The following SYNE2 variants were observed in gnomAD, a reference collection of about 807,000 sequenced individuals.
SYNE2 encodes the protein spectrin repeat containing nuclear envelope protein 2.
SYNE2 carries 431 observed loss-of-function variants against 856.3 expected under a neutral mutation model. That is an observed-to-expected ratio of 0.50 (90% CI 0.47 to 0.55). The LOEUF is 0.55. SYNE2 is among the 20% of genes least tolerant of loss of function. SYNE2 has a pLI of 0.00. For missense variants in SYNE2, 8,129 were observed against 8,023.2 expected (o/e 1.01, Z -0.50); for synonymous variants, 2,923 against 2,872.3 (o/e 1.02, Z -0.56).
chr14:63,967,560 A>G, intron 10 of SYNE2, 149 bp from the exon 11 acceptor site: 1 of 724,304 alleles, frequency 1.4e-6, no homozygotes, highest in African/African-American at 1.8e-5. Context: ...GAAGGAAACC[A>G]GAGCAGAGAG....
chr14:64,010,661 T>G (rs1215269651), intron 32 of SYNE2, among the ~76,000 whole-genome samples: 2 of 152,174 alleles, frequency 1.3e-5, no homozygotes, highest in Non-Finnish European at 2.9e-5. Flanking sequence ...AAGAATGGAA[T>G]AGTTAGAAAA....
At chr14:64,215,584 G>C (rs1410340433) in intron 107 of SYNE2, 5 of 603,134 alleles carry the variant, frequency 8.3e-6, no homozygotes, top group Non-Finnish European at 1.5e-5. Flanking sequence ...CCTCCCTTCA[G>C]GCCTGTGCAG....
chr14:63,986,096 A>G (rs776427663), intron 18 of SYNE2, among the ~76,000 whole-genome samples: 4 of 152,252 alleles, frequency 2.6e-5, no homozygotes, highest in Middle Eastern at 6.8e-3. Flanking sequence ...AAGTGGTGTA[A>G]CTTTTTTATC....
chr14:63,850,344 G>A (rs538899001), upstream of SYNE2, among the ~76,000 whole-genome samples: 4 of 146,952 alleles, frequency 2.7e-5, no homozygotes, highest in Admixed American at 1.4e-4. Flanking sequence ...TGCCTCAGCC[G>A]CCCAAAGTGC....
chr14:64,069,147 A>G (rs2097382233), intron 51 of SYNE2, among the ~76,000 whole-genome samples: 1 of 152,214 alleles, frequency 6.6e-6, no homozygotes, highest in Non-Finnish European at 1.5e-5. Flanking sequence ...GTAAGCACCA[A>G]GAGGTGCCCC....
chr14:63,986,551 G>A lies in SYNE2; in HGVS notation c.2247G>A (p.Trp749Ter). 1 of 1,614,112 alleles carries A rather than the reference G, an allele frequency of 6.2e-7. No individual in the cohort carries two copies. Among genetic ancestry groups the A allele is most frequent in the Non-Finnish European group, 8.5e-7 (1 of 1,180,010 alleles). The stretch of plus-strand genomic sequence containing the variant: ...AACTCATTGGACAAGTGGAAATCTG[G>A]GAGGCAGAAGCCAAATCTGTTTTGG... ...VEKLIGQVEI[W>*]EAEAKSVLDQ... Residue 749 changes from tryptophan to a stop codon, truncating the protein, a stop_gained, in exon 19 of 116, where the codon TGG becomes TGA. Coordinates refer to ENST00000555002, the MANE Select transcript of SYNE2 (RefSeq NM_182914.3). LOFTEE classifies it high-confidence loss of function.
At chr14:63,887,944 A>C (rs111758244) in intron 1 of SYNE2, among the ~76,000 whole-genome samples, 5,144 of 151,840 alleles carry the variant, frequency 0.034, 310 homozygotes, top group African/African-American at 0.12. Flanking sequence ...GCAGAGATGG[A>C]ATTTCACCAT....
intron 1 of SYNE2, among the ~76,000 whole-genome samples, chr14:63,774,468 C>CAAAAAA (rs748830808): frequency 1.0e-5 from 1 of 95,326 alleles, no homozygotes; most frequent in African/African-American, 4.2e-5. Flanking sequence ...GACTCCGTCT[C>CAAAAAA]AAAAAAAAAA....
chr14:64,038,652 C>A (rs557859419), intron 45 of SYNE2, among the ~76,000 whole-genome samples: 2 of 152,364 alleles, frequency 1.3e-5, no homozygotes, highest in Admixed American at 1.3e-4. Flanking sequence ...ACCAGCCCGG[C>A]CAACACAGCG....
At position 63,914,562 on chromosome 14, in the gene SYNE2, T is replaced by C. The variant is rs535946487; in HGVS notation, c.79+5335T>C. 2.4e-4 allele frequency among the ~76,000 whole-genome samples: 36 copies of C among 152,210 alleles called. No individual in the cohort carries two copies. In the South Asian group the frequency reaches 6.4e-3, roughly 27 times the overall value. Reference sequence around the variant, plus strand: ...AAACCTATTAGGAAGTATTAGCAAATATCTGGGTGTTGGGTACTGTTTGCC... The same window carrying C: ...AAACCTATTAGGAAGTATTAGCAAACATCTGGGTGTTGGGTACTGTTTGCC... On this transcript the variant is annotated intron_variant, in intron 2 of 115. Transcript: ENST00000555002.
chr14:63,897,929 T>C (rs2095279769), intron 1 of SYNE2, among the ~76,000 whole-genome samples: 1 of 152,220 alleles, frequency 6.6e-6, no homozygotes, highest in South Asian at 2.1e-4. Flanking sequence ...CGAGCATGTT[T>C]TGCAAACCAC....
chr14:63,922,580 A>G (rs12879465), intron 2 of SYNE2, among the ~76,000 whole-genome samples: 13,835 of 152,184 alleles, frequency 0.091, 686 homozygotes, highest in South Asian at 0.19. Flanking sequence ...GCTTGAGCTC[A>G]GGAGTTTGAG....
At chr14:63,782,331 G>A (rs933226970) in intron 1 of SYNE2, among the ~76,000 whole-genome samples, 1 of 151,638 alleles carries the variant, frequency 6.6e-6, no homozygotes, top group African/African-American at 2.4e-5. Context: ...AGTCGGGCCT[G>A]TTTGCATGTG....
intron 108 of SYNE2, 74 bp from the exon 109 acceptor site, chr14:64,218,324 A>G (rs1048119005): frequency 7.4e-7 from 1 of 1,354,778 alleles, no homozygotes. Context: ...CACTGTTAAT[A>G]TGAAATGAAT....
rs760484998 is a variant in SYNE2, at chr14:64,214,424, C to G, written c.19287C>G (p.Ser6429=). 2 of 1,614,054 alleles carry G rather than the reference C, an allele frequency of 1.2e-6. No individual in the cohort carries two copies. Among genetic ancestry groups the G allele is most frequent in the South Asian group, 2.2e-5 (2 of 91,086 alleles). ...WDHTGDVGGS[S]SHEEDEEGPY... ...ACACAGGCGACGTGGGGGGCTCCTCCTCTCACGAAGAGGACGAGGAGGGCC... is the reference window on the plus strand; with the variant it reads ...ACACAGGCGACGTGGGGGGCTCCTCGTCTCACGAAGAGGACGAGGAGGGCC... The change falls in exon 106 of 116, where the codon TCC becomes TCG. Residue 6429 remains serine, a synonymous_variant. Coordinates refer to ENST00000555002, the MANE Select transcript of SYNE2 (RefSeq NM_182914.3).
intron 56 of SYNE2, 110 bp from the exon 57 acceptor site, chr14:64,081,333 C>T: frequency 7.2e-7 from 1 of 1,391,644 alleles, no homozygotes. Context: ...GAGCAGACAT[C>T]TGCAAGGCCT....
chr14:63,802,914 T>C (rs986181072), intron 1 of SYNE2, among the ~76,000 whole-genome samples: 4 of 152,166 alleles, frequency 2.6e-5, no homozygotes, highest in Non-Finnish European at 5.9e-5. Flanking sequence ...GCGGTGAGTG[T>C]TACAGCTCAT....
rs1437066439 is a variant in SYNE2, at chr14:64,162,253, C to T, written c.16276C>T (p.Pro5426Ser). The change falls in exon 88 of 116, where the codon CCC becomes TCC. Residue 5426 changes from proline (P) to serine (S), a missense_variant. Pro to Ser is a moderately conservative substitution (Grantham distance 74, BLOSUM62 -1). Coordinates refer to ENST00000555002, the MANE Select transcript of SYNE2 (RefSeq NM_182914.3). Reference sequence around the variant, plus strand: ...TGGAAACAACCTGGCAGAGATCCTGCCCCCAGCCCTGCAGGACATAAAGGT... The same window carrying T: ...TGGAAACAACCTGGCAGAGATCCTGTCCCCAGCCCTGCAGGACATAAAGGT... ...MSGNNLAEIL[P>S]PALQDIKELQ... 5.0e-6 allele frequency: 8 copies of T among 1,613,956 alleles called. No homozygotes were observed. The highest frequency in any genetic ancestry group is 1.1e-5 in the South Asian group (1 of 91,078).
rs112802347 is a variant in SYNE2, at chr14:64,010,092, G to C, written c.4704G>C (p.Glu1568Asp). Residue 1568 changes from glutamate (E) to aspartate (D), a missense_variant, in exon 32 of 116, where the codon GAG becomes GAC. Physicochemically the swap from Glu to Asp is conservative, Grantham distance 45. Around this residue, in one of 3 missense-constraint regions of SYNE2, gnomAD observed 2,422 missense variants for 2,357.4 expected, o/e 1.03. Transcript: ENST00000555002. ...ISLQASYMGKENLKKRIAEIE... is the reference protein window; with the variant it reads ...ISLQASYMGKDNLKKRIAEIE... Reference sequence around the variant, plus strand: ...TGCAGGCTTCGTACATGGGAAAGGAGAACCTGAAGAAAAGGATAGCAGAGG... The same window carrying C: ...TGCAGGCTTCGTACATGGGAAAGGACAACCTGAAGAAAAGGATAGCAGAGG... The C allele has an allele frequency of 7.1e-5, 114 of 1,613,328 alleles. 7 individuals are homozygous for C. Among genetic ancestry groups the C allele is most frequent in the African/African-American group, 6.5e-4 (49 of 75,022 alleles).
Sources: gnomAD v4.1 joint callset for allele counts (sites outside exome capture counted in the v4.1 genomes callset) on GRCh38, gnomAD v4.1.1 for gene constraint, gnomAD v4.1.1 regional missense constraint, MANE v1.5 for transcripts, NCBI Gene and HGNC (gene_info 2026-07-23, HGNC 2026-07-21) for gene names.